The following SLC68A1 variants were observed in gnomAD, a reference collection of about 807,000 sequenced individuals.
SLC68A1 encodes solute carrier family 68 member 1.
chr10:102,474,333 C>T, the SLC68A1 span, among the ~76,000 whole-genome samples: 3 of 151,780 alleles, frequency 2.0e-5, no homozygotes, highest in African/African-American at 4.8e-5. Context: ...CTGGGGTTGG[C>T]AATAAACATC....
chr10:102,470,446 G>T, the SLC68A1 span, among the ~76,000 whole-genome samples: 1 of 152,212 alleles, frequency 6.6e-6, no homozygotes, highest in African/African-American at 2.4e-5. Context: ...AGCCCAACAG[G>T]CTAATAAGGG....
At chr10:102,470,427 T>G in the SLC68A1 span, among the ~76,000 whole-genome samples, 1 of 152,168 alleles carries the variant, frequency 6.6e-6, no homozygotes. Flanking sequence ...CCCATACCCT[T>G]TGGCCATCAG....
chr10:102,476,489 G>A, the SLC68A1 span: 2 of 985,676 alleles, frequency 2.0e-6, no homozygotes, highest in Non-Finnish European at 2.4e-6. Context: ...ACAGGCATGA[G>A]CCACCGCACT....
chr10:102,476,052 GT>G, the SLC68A1 span: 90 of 738,040 alleles, frequency 1.2e-4, 1 homozygote, highest in Middle Eastern at 4.7e-4. Context: ...GTTTTTTTTG[GT>G]TTTTTTTTTA....
At chr10:102,469,931 G>A in the SLC68A1 span, 1 of 1,576,474 alleles carries the variant, frequency 6.3e-7, no homozygotes, top group Non-Finnish European at 8.6e-7. Flanking sequence ...AGGCTGAGGG[G>A]GGAGGAGCCC....
chr10:102,469,453 C>T, the SLC68A1 span, among the ~76,000 whole-genome samples: 5 of 152,044 alleles, frequency 3.3e-5, no homozygotes, highest in Admixed American at 2.0e-4. Flanking sequence ...AATATGTTCA[C>T]GTATATGAAT....
chr10:102,462,763 T>C, the SLC68A1 span, among the ~76,000 whole-genome samples: 1 of 152,194 alleles, frequency 6.6e-6, no homozygotes, highest in East Asian at 1.9e-4. Flanking sequence ...GTGGCCCCTT[T>C]CTCCCGCGCT....
the SLC68A1 span, among the ~76,000 whole-genome samples, chr10:102,467,501 AATT>A: frequency 6.6e-6 from 1 of 152,128 alleles, no homozygotes; most frequent in Non-Finnish European, 1.5e-5. Context: ...AGTGTTTGTC[AATT>A]AGACCTGAAT....
At chr10:102,475,712 CTT>C in the SLC68A1 span, 8 of 1,579,646 alleles carry the variant, frequency 5.1e-6, no homozygotes, top group South Asian at 3.4e-5. Context: ...TCTGTGCTCT[CTT>C]GTCCTAGGTC....
the SLC68A1 span, chr10:102,469,343 A>G: frequency 1.3e-6 from 1 of 776,466 alleles, no homozygotes; most frequent in East Asian, 2.5e-5. Context: ...ACTCATCAAG[A>G]AAAGCTGTGG....
chr10:102,461,647 CA>C, the SLC68A1 span, among the ~76,000 whole-genome samples: 2 of 151,220 alleles, frequency 1.3e-5, no homozygotes, highest in Non-Finnish European at 2.9e-5. Context: ...AAGCGGGGTT[CA>C]AGGGGGCAAG....
chr10:102,476,166 C>G, the SLC68A1 span: 1 of 1,106,626 alleles, frequency 9.0e-7, no homozygotes, highest in South Asian at 2.1e-5. Flanking sequence ...CACCCAGGTT[C>G]AAGCAATTAT....
the SLC68A1 span, chr10:102,473,883 G>A: frequency 2.4e-5 from 39 of 1,614,000 alleles, no homozygotes; most frequent in East Asian, 8.9e-5. Flanking sequence ...CCTGGTAGAC[G>A]AGGACCTGGT....
the SLC68A1 span, chr10:102,468,708 G>A: frequency 2.3e-3 from 535 of 230,830 alleles, 12 homozygotes; most frequent in South Asian, 0.038. Context: ...CCTGGCACGC[G>A]ACCTGGCTCA....
chr10:102,473,027 C>T, the SLC68A1 span: 87 of 1,186,298 alleles, frequency 7.3e-5, no homozygotes, highest in Middle Eastern at 1.9e-4. Context: ...GGGGTTTCAC[C>T]GTATTAGCCA....
chr10:102,469,810 G>A, the SLC68A1 span: 2 of 984,476 alleles, frequency 2.0e-6, no homozygotes, highest in Middle Eastern at 5.2e-4. Context: ...GCCTCCCAAA[G>A]TGCTGGTGTG....
the SLC68A1 span, chr10:102,475,905 A>G: frequency 1.2e-6 from 2 of 1,613,792 alleles, no homozygotes; most frequent in Admixed American, 3.3e-5. Context: ...TTCACGCTGC[A>G]TGGGAGACGC....
the SLC68A1 span, chr10:102,471,286 G>A: frequency 2.5e-6 from 4 of 1,613,930 alleles, no homozygotes; most frequent in Non-Finnish European, 3.4e-6. Context: ...GTGTGGAGAG[G>A]AGCTGCTTGT....
At chr10:102,462,457 C>T in the SLC68A1 span, among the ~76,000 whole-genome samples, 1 of 152,260 alleles carries the variant, frequency 6.6e-6, no homozygotes, top group Admixed American at 6.5e-5. Context: ...ACTAATGTCT[C>T]TTGTACAGTC....
Sources: gnomAD v4.1 joint callset for allele counts (sites outside exome capture counted in the v4.1 genomes callset) on GRCh38, gnomAD v4.1.1 for gene constraint, MANE v1.5 for transcripts, NCBI Gene and HGNC (gene_info 2026-07-23, HGNC 2026-07-21) for gene names.